The following SVEP1 variants were observed in gnomAD, a reference collection of about 807,000 sequenced individuals.
SVEP1 encodes the protein sushi, von Willebrand factor type A, EGF and pentraxin domain containing 1, also known as sushi, von Willebrand factor type A, EGF and pentraxin domain-containing protein 1.
A neutral mutation model predicts 367.3 loss-of-function variants in SVEP1; 164 were observed. That is an observed-to-expected ratio of 0.45 (90% confidence interval 0.39 to 0.51). The LOEUF (loss-of-function observed/expected upper bound fraction) is 0.51, where lower values mean the gene tolerates loss of function less well. Among genes scored for constraint, SVEP1 ranks in the 20% least tolerant of loss-of-function variants. SVEP1 has a pLI of 0.00. For missense variants in SVEP1, 4,117 were observed against 4,425.3 expected (o/e 0.93, Z 1.98); for synonymous variants, 1,666 against 1,611.6 (o/e 1.03, Z -0.81).
intron 29 of SVEP1, 50 bp from the exon 30 acceptor site, chr9:110,434,556 C>G (rs769856562): frequency 6.5e-7 from 1 of 1,542,694 alleles, no homozygotes. Context: ...ATAGTGGTAG[C>G]ATCACCAAGT....
chr9:110,412,278 T>G (rs1828055719), intron 36 of SVEP1, among the ~76,000 whole-genome samples: 1 of 152,228 alleles, frequency 6.6e-6, no homozygotes, highest in Non-Finnish European at 1.5e-5. Context: ...TTAGCCTACA[T>G]ATAGCTCATT....
chr9:110,559,344 A>G (rs1343954366), intron 1 of SVEP1, among the ~76,000 whole-genome samples: 1 of 152,056 alleles, frequency 6.6e-6, no homozygotes, highest in Non-Finnish European at 1.5e-5. Context: ...TTTAAAATAT[A>G]AATAATTTTT....
intron 1 of SVEP1, among the ~76,000 whole-genome samples, chr9:110,554,485 A>G (rs181559334): frequency 9.2e-5 from 14 of 152,286 alleles, no homozygotes; most frequent in Admixed American, 5.9e-4. Context: ...GAATTGGTGA[A>G]GAAATGGTTG....
chr9:110,399,111 A>G (rs559936720), intron 40 of SVEP1, among the ~76,000 whole-genome samples: 2 of 152,324 alleles, frequency 1.3e-5, no homozygotes, highest in South Asian at 4.1e-4. Flanking sequence ...TCCAACAATG[A>G]TAGACTGGAT....
chr9:110,429,311 G>T lies in SVEP1; in HGVS notation c.5639C>A (p.Ala1880Asp), dbSNP rs747748488. Residue 1880 changes from alanine (A) to aspartate (D), a missense_variant, in exon 35 of 48, where the codon GCC becomes GAC. Ala to Asp is a moderately radical substitution (Grantham distance 126, BLOSUM62 -2). Coordinates refer to ENST00000374469, the MANE Select transcript of SVEP1 (RefSeq NM_153366.4). The part of the protein sequence containing the change: ...TYRCNKGYTL[A>D]GDKESSCLAN... ...AAGACAGGATGATTCTTTATCACCGGCCAGAGTATATCCTTTATTACACCT... is the reference window on the plus strand; with the variant it reads ...AAGACAGGATGATTCTTTATCACCGTCCAGAGTATATCCTTTATTACACCT... 8.9e-6 allele frequency: 14 copies of T among 1,580,942 alleles called. No individual in the cohort carries two copies. The highest frequency in any genetic ancestry group is 1.2e-5 in the Non-Finnish European group (14 of 1,163,678).
At chr9:110,439,415 CAG>C (rs1441157444) in intron 27 of SVEP1, among the ~76,000 whole-genome samples, 1 of 152,018 alleles carries the variant, frequency 6.6e-6, no homozygotes, top group Non-Finnish European at 1.5e-5. Flanking sequence ...ATTTTTGAGG[CAG>C]AGTGTCACTC....
chr9:110,513,150 G>T, intron 4 of SVEP1, 45 bp from the exon 5 acceptor site: 1 of 1,529,912 alleles, frequency 6.5e-7, no homozygotes, highest in Non-Finnish European at 8.8e-7. Context: ...TTAGCCTTTT[G>T]TCTATGACAT....
chr9:110,440,852 C>T (rs1828501134), intron 27 of SVEP1, among the ~76,000 whole-genome samples: 1 of 152,144 alleles, frequency 6.6e-6, no homozygotes. Context: ...ACACCTGCTC[C>T]ACCTGTGGGC....
At chr9:110,561,910 A>C (rs1232696548) in intron 1 of SVEP1, among the ~76,000 whole-genome samples, 1 of 152,218 alleles carries the variant, frequency 6.6e-6, no homozygotes, top group Non-Finnish European at 1.5e-5. Context: ...TTGGCCCTAT[A>C]ACATTTAGGC....
intron 11 of SVEP1, among the ~76,000 whole-genome samples, chr9:110,481,875 G>A (rs967651153): frequency 8.6e-5 from 13 of 151,890 alleles, no homozygotes; most frequent in African/African-American, 3.1e-4. Flanking sequence ...ACCATGCCTG[G>A]CTAATTTTTT....
In SVEP1 at chr9:110,560,847, G is replaced by A. The variant is rs570598500; in HGVS notation, c.532-10743C>T. On this transcript the variant is annotated intron_variant, in intron 1 of 47. Coordinates refer to ENST00000374469, the MANE Select transcript of SVEP1 (RefSeq NM_153366.4). ...CCCCAGCCATGGTTCAGGAATTTCAGTCTGGCTTCTTGAAAATCAAGAGTT... is the reference window on the plus strand; with the variant it reads ...CCCCAGCCATGGTTCAGGAATTTCAATCTGGCTTCTTGAAAATCAAGAGTT... Among the ~76,000 whole-genome samples the A allele has an allele frequency of 3.9e-5, 6 of 152,258 alleles. No individual in the cohort carries two copies. In the South Asian group the frequency reaches 1.2e-3, roughly 32 times the overall value.
chr9:110,447,128 T>C (rs1324584487), intron 24 of SVEP1, 71 bp from the exon 25 acceptor site: 1 of 1,278,350 alleles, frequency 7.8e-7, no homozygotes, highest in East Asian at 3.0e-5. Flanking sequence ...TAATCTTATC[T>C]CGAAAGACTT....
chr9:110,392,089 G>C (rs1405608557), intron 40 of SVEP1, among the ~76,000 whole-genome samples: 1 of 147,588 alleles, frequency 6.8e-6, no homozygotes, highest in East Asian at 2.1e-4. Flanking sequence ...GCAGAGAGAA[G>C]ATCCTGGGAT....
At chr9:110,485,084 G>A (rs1479583848) in intron 9 of SVEP1, among the ~76,000 whole-genome samples, 1 of 152,150 alleles carries the variant, frequency 6.6e-6, no homozygotes, top group African/African-American at 2.4e-5. Context: ...CCATTACTGG[G>A]TATATACCCA....
intron 14 of SVEP1, 26 bp downstream of exon 14, chr9:110,476,178 C>T (rs1197993886): frequency 3.4e-6 from 5 of 1,461,950 alleles, no homozygotes; most frequent in Non-Finnish European, 4.8e-6. Flanking sequence ...GTCTTGCCAA[C>T]TACCGATGCC....
At chr9:110,463,941 G>A (rs1295129808) in intron 18 of SVEP1, among the ~76,000 whole-genome samples, 3 of 152,022 alleles carry the variant, frequency 2.0e-5, no homozygotes, top group African/African-American at 4.8e-5. Flanking sequence ...TAGGAGAGTA[G>A]GGCCAAAAAT....
At position 110,406,730 on chromosome 9, in the gene SVEP1, T is replaced by C. The variant is rs200865897; in HGVS notation, c.8870A>G (p.His2957Arg). Residue 2957 changes from histidine to arginine, a missense_variant, in exon 38 of 48, where the codon CAT becomes CGT. Transcript: ENST00000374469. ...AAAGGAAAAACCATTAGGGAAACCA[T>C]GGGCAAGATCTTCAGGAGGTCCACA... The part of the protein sequence containing the change: ...VNCGPPEDLA[H>R]GFPNGFSFIH... 2.2e-5 allele frequency: 36 copies of C among 1,614,006 alleles called. No homozygotes were observed. The highest frequency in any genetic ancestry group is 2.7e-5 in the Non-Finnish European group (32 of 1,179,878).
chr9:110,404,214 G>C lies in SVEP1; in HGVS notation c.9666+113C>G, dbSNP rs145703607. 1,298 of 1,000,444 alleles carry C rather than the reference G, an allele frequency of 1.3e-3. 6 individuals are homozygous for C. The African/African-American group carries it at 0.019, about 15-fold the overall frequency. The allele number at this position is 1,000,444 out of a possible 1,614,324, so 62.0% of individuals were successfully genotyped here. A position where few individuals can be genotyped will look rare whatever the true frequency, so the allele number is the denominator to read the frequency against. On this transcript the variant is annotated intron_variant, in intron 39 of 47. Coordinates refer to ENST00000374469, the MANE Select transcript of SVEP1 (RefSeq NM_153366.4). ...AGAAACTTTTCAAATCCTTTGAAAT[G>C]AGTGAAAACTTCAGACTTTTTTTTC...
intron 44 of SVEP1, among the ~76,000 whole-genome samples, chr9:110,377,877 C>A (rs912316740): frequency 6.6e-6 from 1 of 151,880 alleles, no homozygotes; most frequent in African/African-American, 2.4e-5. Flanking sequence ...CTATCCTCAC[C>A]CCCTCCCAGC....
Sources: allele counts gnomAD v4.1 joint callset (sites outside exome capture counted in the v4.1 genomes callset), GRCh38; gene constraint gnomAD v4.1.1; transcripts MANE v1.5; gene names NCBI Gene and HGNC (gene_info 2026-07-23, HGNC 2026-07-21).